SLC25A21: variants seen among roughly 807,000 people sequenced by gnomAD.
SLC25A21 encodes solute carrier family 25 member 21, also known as mitochondrial 2-oxodicarboxylate carrier.
SLC25A21 carries 47 observed loss-of-function variants against 43.8 expected under a neutral mutation model. That is an observed-to-expected ratio of 1.07 (90% CI 0.85 to 1.37). The LOEUF is 1.37. Among genes scored for constraint, SLC25A21 ranks in the 40% most tolerant of loss-of-function variants. The pLI, the probability that SLC25A21 is intolerant of heterozygous loss-of-function variation, is 0.00. For missense variants in SLC25A21, 352 were observed against 350.2 expected (o/e 1.00, Z -0.04); for synonymous variants, 131 against 121.3 (o/e 1.08, Z -0.52).
chr14:36,929,476 G>GT (rs1179856601), intron 1 of SLC25A21, among the ~76,000 whole-genome samples: 13 of 152,154 alleles, frequency 8.5e-5, no homozygotes, highest in East Asian at 5.8e-4. Flanking sequence ...CATTGCAATT[G>GT]TTTTTTTGTT....
chr14:37,020,909 C>T (rs1960971630), intron 1 of SLC25A21, among the ~76,000 whole-genome samples: 1 of 151,938 alleles, frequency 6.6e-6, no homozygotes, highest in African/African-American at 2.4e-5. Context: ...GTTTATTTAA[C>T]ATGGTCTTGC....
intron 1 of SLC25A21, among the ~76,000 whole-genome samples, chr14:36,917,519 A>T (rs1487481500): frequency 6.6e-6 from 1 of 152,136 alleles, no homozygotes; most frequent in Non-Finnish European, 1.5e-5. Flanking sequence ...AACAGAATAC[A>T]TGTGCTGTTC....
chr14:36,934,300 T>C (rs1417204358), intron 1 of SLC25A21, among the ~76,000 whole-genome samples: 2 of 151,876 alleles, frequency 1.3e-5, no homozygotes, highest in Non-Finnish European at 2.9e-5. Context: ...TCTTGAAAGG[T>C]GAAAAAATCT....
At chr14:36,902,143 A>G (rs545946231) in intron 1 of SLC25A21, among the ~76,000 whole-genome samples, 2 of 152,370 alleles carry the variant, frequency 1.3e-5, no homozygotes, top group East Asian at 3.9e-4. Flanking sequence ...CATGACACAT[A>G]TAACACTATG....
At chr14:37,120,017 A>G (rs1209297651) in intron 1 of SLC25A21, among the ~76,000 whole-genome samples, 2 of 152,238 alleles carry the variant, frequency 1.3e-5, no homozygotes, top group African/African-American at 4.8e-5. Flanking sequence ...CTGTGAATCT[A>G]TCAAAAGAAG....
chr14:36,953,967 T>A (rs781588903), intron 1 of SLC25A21, among the ~76,000 whole-genome samples: 2 of 152,182 alleles, frequency 1.3e-5, no homozygotes, highest in Admixed American at 6.5e-5. Context: ...AATAATTAGT[T>A]TTTTCAATAA....
At chr14:37,043,896 G>A (rs1961527953) in intron 1 of SLC25A21, among the ~76,000 whole-genome samples, 1 of 150,096 alleles carries the variant, frequency 6.7e-6, no homozygotes, top group African/African-American at 2.5e-5. Flanking sequence ...CATCATGTCT[G>A]GCTACATTTT....
At position 37,003,083 on chromosome 14, in the gene SLC25A21, C is replaced by T. The variant is rs557566014; in HGVS notation, c.71-128079G>A. ...ACCCCCCAGCGGATGCCTGAAACCACGGAAAATACCAAACCCTATACACAC... is the reference window on the plus strand; with the variant it reads ...ACCCCCCAGCGGATGCCTGAAACCATGGAAAATACCAAACCCTATACACAC... On this transcript the variant is annotated intron_variant, in intron 1 of 9. Coordinates refer to ENST00000331299, the MANE Select transcript of SLC25A21 (RefSeq NM_030631.4). Among the ~76,000 whole-genome samples, 138 of 152,258 alleles carry T rather than the reference C, an allele frequency of 9.1e-4. 1 individual carries two copies. The highest frequency in any genetic ancestry group is 3.2e-3 in the African/African-American group (131 of 41,552).
intron 2 of SLC25A21, among the ~76,000 whole-genome samples, chr14:36,840,205 C>A (rs554607040): frequency 6.6e-6 from 1 of 150,488 alleles, no homozygotes; most frequent in African/African-American, 2.5e-5. Context: ...AGAATAAAAG[C>A]GAGGTTTTTT....
At chr14:36,886,296 T>C (rs949063700) in intron 1 of SLC25A21, among the ~76,000 whole-genome samples, 1 of 152,202 alleles carries the variant, frequency 6.6e-6, no homozygotes, top group African/African-American at 2.4e-5. Context: ...ATTAATATTA[T>C]ACACACTGAA....
At chr14:37,132,619 C>T (rs1963409690) in intron 1 of SLC25A21, among the ~76,000 whole-genome samples, 1 of 152,174 alleles carries the variant, frequency 6.6e-6, no homozygotes, top group South Asian at 2.1e-4. Context: ...CTCTACCACC[C>T]TGATGATTCA....
intron 2 of SLC25A21, among the ~76,000 whole-genome samples, chr14:36,823,411 C>G (rs1449545559): frequency 6.6e-6 from 1 of 152,060 alleles, no homozygotes; most frequent in Non-Finnish European, 1.5e-5. Flanking sequence ...ATAGTGCTAC[C>G]ACTCTTTGAA....
intron 1 of SLC25A21, among the ~76,000 whole-genome samples, chr14:37,074,804 A>C (rs2138830177): frequency 6.6e-6 from 1 of 152,300 alleles, no homozygotes; most frequent in East Asian, 1.9e-4. Flanking sequence ...CCTGAGTGAC[A>C]GAGTGAGACT....
chr14:36,970,761 A>G (rs1383510100), intron 1 of SLC25A21, among the ~76,000 whole-genome samples: 1 of 152,180 alleles, frequency 6.6e-6, no homozygotes, highest in African/African-American at 2.4e-5. Flanking sequence ...TAAAATACTC[A>G]AACATCTTTA....
intron 1 of SLC25A21, among the ~76,000 whole-genome samples, chr14:37,131,422 T>C (rs748748864): frequency 6.6e-6 from 1 of 152,220 alleles, no homozygotes; most frequent in East Asian, 1.9e-4. Context: ...GTTTGACTGT[T>C]TGGTACTAAC....
chr14:36,741,810 C>T (rs1180547699), intron 3 of SLC25A21, among the ~76,000 whole-genome samples: 4 of 152,080 alleles, frequency 2.6e-5, no homozygotes, highest in East Asian at 1.9e-4. Flanking sequence ...GAAATAGGAG[C>T]GACAGGGAAA....
intron 1 of SLC25A21, among the ~76,000 whole-genome samples, chr14:37,140,578 T>C (rs984879404): frequency 6.6e-6 from 1 of 152,216 alleles, no homozygotes; most frequent in African/African-American, 2.4e-5. Flanking sequence ...ATTGTAAAAC[T>C]AGCAGTAGCA....
chr14:37,086,549 T>TAG (rs1962490500), intron 1 of SLC25A21, among the ~76,000 whole-genome samples: 1 of 152,238 alleles, frequency 6.6e-6, no homozygotes, highest in Non-Finnish European at 1.5e-5. Flanking sequence ...TTAACCAAAC[T>TAG]AAAGGCTGGA....
chr14:37,144,288 CAATT>C (rs1963621638), intron 1 of SLC25A21, among the ~76,000 whole-genome samples: 2 of 152,142 alleles, frequency 1.3e-5, no homozygotes, highest in African/African-American at 4.8e-5. Flanking sequence ...TTACTTATCT[CAATT>C]AATAATGATT....
Sources: allele counts gnomAD v4.1 joint callset (sites outside exome capture counted in the v4.1 genomes callset), GRCh38; gene constraint gnomAD v4.1.1; transcripts MANE v1.5; gene names NCBI Gene and HGNC (gene_info 2026-07-23, HGNC 2026-07-21).